NACC2: variants seen among roughly 807,000 people sequenced by gnomAD.
The protein encoded by NACC2 is NACC family member 2, also known as nucleus accumbens-associated protein 2.
In NACC2, 8 loss-of-function variants were observed where a neutral mutation model predicts 25.1. That is an observed-to-expected ratio of 0.32 (90% CI 0.19 to 0.57). The LOEUF (loss-of-function observed/expected upper bound fraction) is 0.57. NACC2 is among the 20% of genes least tolerant of loss of function. NACC2 has a pLI of 0.89. For missense variants in NACC2, 644 were observed against 650.2 expected (o/e 0.99, Z 0.10); for synonymous variants, 435 against 294.7 (o/e 1.48, Z -4.88).
rs140905837 is a variant in NACC2, at chr9:136,019,391, G to C, written c.887-2962C>G. 15 of 152,334 alleles carry C rather than the reference G, an allele frequency of 9.8e-5. No individual in the cohort carries two copies. The highest frequency in any genetic ancestry group is 3.1e-4 in the African/African-American group (13 of 41,572). 9.4% of individuals were successfully genotyped at this position (152,334 alleles called of 1,614,324 possible). On this transcript the variant is annotated intron_variant, in intron 2 of 5. Transcript: ENST00000277554. This position sits in a 1 kb window ranked among gnomAD's most constrained non-coding sequence, Gnocchi z 5.2. ...AAGAGGCCCCTGCCGGTCACACTGA[G>C]GTCCCTCCTGAGCCTGGGTCTCGGG...
At chr9:136,085,953 G>A (rs1457791952) in intron 1 of NACC2, among the ~76,000 whole-genome samples, 2 of 151,416 alleles carry the variant, frequency 1.3e-5, no homozygotes, top group Non-Finnish European at 2.9e-5. Context: ...GCTGGGCACT[G>A]CACAGAACGG....
intron 1 of NACC2, among the ~76,000 whole-genome samples, chr9:136,068,156 G>C (rs1841109663): frequency 6.6e-6 from 1 of 152,138 alleles, no homozygotes; most frequent in Non-Finnish European, 1.5e-5. Flanking sequence ...ACTAAAGACT[G>C]TATAAACACC....
intron 2 of NACC2, among the ~76,000 whole-genome samples, chr9:136,047,505 T>C (rs1840748571): frequency 6.6e-6 from 1 of 152,202 alleles, no homozygotes; most frequent in Non-Finnish European, 1.5e-5. Flanking sequence ...CCGCCCACTT[T>C]CCACCTCGCT....
intron 1 of NACC2, among the ~76,000 whole-genome samples, chr9:136,076,140 A>G (rs4842100): frequency 0.91 from 138,363 of 152,264 alleles, 63,263 homozygotes; most frequent in South Asian, 0.99. Flanking sequence ...ATGACACCCC[A>G]TACCCCGTGA....
intron 1 of NACC2, among the ~76,000 whole-genome samples, chr9:136,054,196 C>CTT (rs1457749904): frequency 6.6e-6 from 1 of 152,188 alleles, no homozygotes; most frequent in African/African-American, 2.4e-5. Context: ...AGGTGGGCGT[C>CTT]TTAACGCCCA....
At position 136,020,100 on chromosome 9, in the gene NACC2, T is replaced by C. The variant is rs1326444124; in HGVS notation, c.887-3671A>G. On this transcript the variant is annotated intron_variant, in intron 2 of 5. Coordinates refer to ENST00000277554, the MANE Select transcript of NACC2 (RefSeq NM_144653.5). This position sits in a 1 kb window ranked among gnomAD's most constrained non-coding sequence, Gnocchi z 4.7. ...AGTGATGCTCACAAAACAGTGGGAATGCGCTTAGCATCACCGAACCACGCA... is the reference window on the plus strand; with the variant it reads ...AGTGATGCTCACAAAACAGTGGGAACGCGCTTAGCATCACCGAACCACGCA... Among the ~76,000 whole-genome samples the C allele has an allele frequency of 6.6e-6, 1 of 152,128 alleles. No individual in the cohort carries two copies. The highest frequency in any genetic ancestry group is 2.4e-5 in the African/African-American group (1 of 41,406).
chr9:136,015,625 G>A (rs557734921), intron 3 of NACC2, among the ~76,000 whole-genome samples: 92 of 152,316 alleles, frequency 6.0e-4, no homozygotes, highest in African/African-American at 2.1e-3. Flanking sequence ...TCAGGCTGTG[G>A]CCAAGGAAAG....
At position 136,084,089 on chromosome 9, in the gene NACC2, G is replaced by A. The variant is rs376218340; in HGVS notation, c.-60+11100C>T. ...AGGTAGGGAAGGTGGTGCTCGCTGAGGGTGTCCCTCACTCAGTGGCTCCAG... is the reference window on the plus strand; with the variant it reads ...AGGTAGGGAAGGTGGTGCTCGCTGAAGGTGTCCCTCACTCAGTGGCTCCAG... On this transcript the variant is annotated intron_variant, in intron 1 of 5. Transcript: ENST00000277554. This position sits in a 1 kb window ranked among gnomAD's most constrained non-coding sequence, Gnocchi z 5.1. 3.9e-4 allele frequency among the ~76,000 whole-genome samples: 60 copies of A among 152,068 alleles called. No homozygotes were observed. The highest frequency in any genetic ancestry group is 1.4e-3 in the African/African-American group (59 of 41,458).
At chr9:136,037,897 T>C (rs916148449) in intron 2 of NACC2, among the ~76,000 whole-genome samples, 20 of 147,932 alleles carry the variant, frequency 1.4e-4, no homozygotes, top group Non-Finnish European at 2.4e-4. Context: ...CAAAATCCAG[T>C]ACACACATGT....
Position 136,031,283 on chromosome 9 carries a change from G to T in NACC2, c.887-14854C>A, listed in dbSNP as rs982072299. On this transcript the variant is annotated intron_variant, in intron 2 of 5. Coordinates refer to ENST00000277554, the MANE Select transcript of NACC2 (RefSeq NM_144653.5). Reference sequence around the variant, plus strand: ...GGAAGGTAAAGAGATGAGAACGTCGGTATCAATGTTAGTGCCCTTCCCTCT... The same window carrying T: ...GGAAGGTAAAGAGATGAGAACGTCGTTATCAATGTTAGTGCCCTTCCCTCT... Among the ~76,000 whole-genome samples, 8 of 152,148 alleles carry T rather than the reference G, an allele frequency of 5.3e-5. No individual in the cohort carries two copies. In the South Asian group the frequency reaches 1.2e-3, roughly 24 times the overall value.
chr9:136,072,985 G>GA (rs1484603966), intron 1 of NACC2, among the ~76,000 whole-genome samples: 3 of 152,002 alleles, frequency 2.0e-5, no homozygotes, highest in Non-Finnish European at 4.4e-5. Context: ...TTCCATAAAA[G>GA]AAAAAAACTG....
At chr9:136,038,362 C>A (rs1305944680) in intron 2 of NACC2, among the ~76,000 whole-genome samples, 7 of 152,080 alleles carry the variant, frequency 4.6e-5, no homozygotes, top group Admixed American at 2.6e-4. Flanking sequence ...GTGCTGAAAT[C>A]CTGTCTCTAC....
rs543158733 is a variant in NACC2, at chr9:136,018,143, C to T, written c.887-1714G>A. On this transcript the variant is annotated intron_variant, in intron 2 of 5. Coordinates refer to ENST00000277554, the MANE Select transcript of NACC2 (RefSeq NM_144653.5). This position sits in a 1 kb window ranked among gnomAD's most constrained non-coding sequence, Gnocchi z 4.4. The stretch of plus-strand genomic sequence containing the variant: ...ATGCAGAGCCCACCTGCGGCCGCAC[C>T]GCACCAGGACGCTCAGAGGCAGGTG... 4.6e-5 allele frequency among the ~76,000 whole-genome samples: 7 copies of T among 152,252 alleles called. No individual in the cohort carries two copies. Among genetic ancestry groups the T allele is most frequent in the Admixed American group, 2.6e-4 (4 of 15,300 alleles).
rs116275071 is a variant in NACC2, at chr9:136,084,430, G to A, written c.-60+10759C>T. Among the ~76,000 whole-genome samples the A allele has an allele frequency of 3.2e-3, 484 of 152,254 alleles. 2 individuals carry two copies. Among genetic ancestry groups the A allele is most frequent in the African/African-American group, 0.011 (467 of 41,532 alleles). ...GTCCGGTCTCCGCTGGTGGGGCAAC[G>A]TCCAAGAAGGCGGTATCTCTGACGT... On this transcript the variant is annotated intron_variant, in intron 1 of 5. Coordinates refer to ENST00000277554, the MANE Select transcript of NACC2 (RefSeq NM_144653.5). This position sits in a 1 kb window ranked among gnomAD's most constrained non-coding sequence, Gnocchi z 5.1.
chr9:136,048,010 G>A (rs1840755234), intron 2 of NACC2, among the ~76,000 whole-genome samples: 1 of 152,230 alleles, frequency 6.6e-6, no homozygotes, highest in South Asian at 2.1e-4. Context: ...TGGATACGAT[G>A]GGTCTGTTTC....
intron 3 of NACC2, among the ~76,000 whole-genome samples, chr9:136,014,662 C>T (rs895881144): frequency 2.6e-5 from 4 of 152,196 alleles, no homozygotes; most frequent in Admixed American, 1.3e-4. Flanking sequence ...CTTTCTGCTC[C>T]GTCCCAGATA....
chr9:136,075,802 G>A (rs1588581254), intron 1 of NACC2, among the ~76,000 whole-genome samples: 1 of 152,210 alleles, frequency 6.6e-6, no homozygotes, highest in African/African-American at 2.4e-5. Flanking sequence ...TTGGGTTTGG[G>A]CTCTGAGGCT....
At chr9:136,081,467 G>A (rs1331151283) in intron 1 of NACC2, among the ~76,000 whole-genome samples, 1 of 152,272 alleles carries the variant, frequency 6.6e-6, no homozygotes, top group African/African-American at 2.4e-5. Context: ...AGCGCGGGGT[G>A]CCCAGGAAGG....
At position 136,047,759 on chromosome 9, in the gene NACC2, C is replaced by T. The variant is rs1030812081; in HGVS notation, c.886+1877G>A. 6.6e-3 allele frequency among the ~76,000 whole-genome samples: 1,011 copies of T among 152,288 alleles called. 4 individuals are homozygous for T. The highest frequency in any genetic ancestry group is 0.014 in the Middle Eastern group (4 of 294). On this transcript the variant is annotated intron_variant, in intron 2 of 5. Transcript: ENST00000277554. ...CTTCCTGGCTGCGGTCCTGCTGACT[C>T]CCCAAAAACCCATCAAGGCAGGTGG...
Sources: gnomAD v4.1 joint callset for allele counts (sites outside exome capture counted in the v4.1 genomes callset) on GRCh38, gnomAD v4.1.1 for gene constraint, Gnocchi (gnomAD v3.1) non-coding constraint, MANE v1.5 for transcripts, NCBI Gene and HGNC (gene_info 2026-07-23, HGNC 2026-07-21) for gene names.